Variants in CDK5RAP2 observed in about 807,000 individuals in gnomAD.
CDK5RAP2 encodes CDK5 regulatory subunit-associated protein 2.
Under a neutral mutation model 232.9 loss-of-function variants are expected in CDK5RAP2, and 147 were observed. The ratio of observed to expected loss-of-function variants is 0.63; its 90% CI spans 0.55 to 0.72. CDK5RAP2 has a LOEUF of 0.72. Among genes scored for constraint, CDK5RAP2 ranks in the 30% least tolerant of loss-of-function variants. CDK5RAP2 has a pLI of 0.00. For synonymous variants in CDK5RAP2, 833 were observed against 833.7 expected (o/e 1.00, Z 0.01); for missense variants, 2,195 against 2,231.5 (o/e 0.98, Z 0.33).
chr9:120,399,535 A>G lies in CDK5RAP2; in HGVS notation c.5451+1207T>C, dbSNP rs571119487. 3.9e-5 allele frequency among the ~76,000 whole-genome samples: 6 copies of G among 152,302 alleles called. No individual in the cohort carries two copies. The South Asian group carries it at 6.2e-4, about 16-fold the overall frequency. On this transcript the variant is annotated intron_variant, in intron 35 of 37. Coordinates refer to ENST00000349780, the MANE Select transcript of CDK5RAP2 (RefSeq NM_018249.6). ...TGGAGGAATCAGGGAGCCCTCTCTG[A>G]CTCTGGGGTAATATTTAAGCTAAGA...
At chr9:120,489,850 C>T (rs2038805838) in intron 13 of CDK5RAP2, among the ~76,000 whole-genome samples, 1 of 151,294 alleles carries the variant, frequency 6.6e-6, no homozygotes, top group African/African-American at 2.4e-5. Context: ...TCTTGTTGCC[C>T]AAGCTGGAGT....
At chr9:120,534,275 T>C (rs959477413) in intron 7 of CDK5RAP2, among the ~76,000 whole-genome samples, 1 of 152,156 alleles carries the variant, frequency 6.6e-6, no homozygotes, top group African/African-American at 2.4e-5. Context: ...TCCTGCCATG[T>C]TCCTTCTTGC....
intron 36 of CDK5RAP2, 110 bp downstream of exon 36, chr9:120,394,402 G>A: frequency 1.3e-6 from 2 of 1,529,406 alleles, no homozygotes; most frequent in South Asian, 1.1e-5. Flanking sequence ...ACAGATAGGA[G>A]GCATGATTAC....
At chr9:120,535,190 A>G (rs2041330835) in intron 7 of CDK5RAP2, among the ~76,000 whole-genome samples, 1 of 152,264 alleles carries the variant, frequency 6.6e-6, no homozygotes, top group Admixed American at 6.5e-5. Flanking sequence ...ATTGCAGAGC[A>G]CCAAATAAAT....
intron 3 of CDK5RAP2, among the ~76,000 whole-genome samples, chr9:120,555,608 C>T (rs190734027): frequency 6.6e-6 from 1 of 152,138 alleles, no homozygotes; most frequent in Admixed American, 6.5e-5. Context: ...TCTGCTGATG[C>T]GAATGCAAAA....
chr9:120,443,498 C>T, intron 23 of CDK5RAP2, 122 bp downstream of exon 23: 1 of 1,157,378 alleles, frequency 8.6e-7, no homozygotes, highest in South Asian at 1.2e-5. Flanking sequence ...ATGTGTTAGA[C>T]TGGAATGATA....
Position 120,528,816 on chromosome 9 carries a change from T to TG in CDK5RAP2, c.826-20dup. ...GTGCAGCCTAAGAAAAGGCATTAAT[T>TG]GGTGTGAAGAAGGGACGTGCAATCC... On this transcript the variant is annotated intron_variant, in intron 8 of 37. Coordinates refer to ENST00000349780, the MANE Select transcript of CDK5RAP2 (RefSeq NM_018249.6). 14 of 1,598,850 alleles carry TG rather than the reference T, an allele frequency of 8.8e-6. No individual in the cohort carries two copies. The highest frequency in any genetic ancestry group is 1.2e-5 in the Non-Finnish European group (14 of 1,166,030).
rs756018329 is a variant in CDK5RAP2 at position 120,437,465 on chromosome 9, T to C, written c.3785A>G (p.Asp1262Gly). 3 of 1,614,146 alleles carry C rather than the reference T, an allele frequency of 1.9e-6. No homozygotes were observed. The highest frequency in any genetic ancestry group is 2.5e-6 in the Non-Finnish European group (3 of 1,180,008). The change falls in exon 25 of 38, where the codon GAT (aspartate) becomes GGT (glycine). Residue 1262 changes from aspartate to glycine, a missense_variant. By Grantham distance (94) the Asp-to-Gly change is moderately conservative (BLOSUM62 -1). Transcript: ENST00000349780. ...GGAGATGACACAGATGCCATGGCCATCCTTAATCTGCTGCCGTTGAAGGGA... is the reference window on the plus strand; with the variant it reads ...GGAGATGACACAGATGCCATGGCCACCCTTAATCTGCTGCCGTTGAAGGGA... The part of the protein sequence containing the change: ...ELSLQRQQIK[D>G]GHGICVISRQ...
At chr9:120,430,498 G>C (rs879938579) in intron 25 of CDK5RAP2, among the ~76,000 whole-genome samples, 4,780 of 151,114 alleles carry the variant, frequency 0.032, 254 homozygotes, top group African/African-American at 0.11. Flanking sequence ...GCAGCCAAAA[G>C]ACACATGAAA....
chr9:120,503,872 G>T (rs1409068556), intron 12 of CDK5RAP2, among the ~76,000 whole-genome samples: 1 of 151,998 alleles, frequency 6.6e-6, no homozygotes, highest in Non-Finnish European at 1.5e-5. Flanking sequence ...CCACAACAAG[G>T]TTCAGCTCTT....
intron 3 of CDK5RAP2, among the ~76,000 whole-genome samples, chr9:120,558,371 C>CAAAAAAAAAAAAAAA (rs60669308): frequency 2.5e-5 from 1 of 40,080 alleles, no homozygotes; most frequent in Non-Finnish European, 4.1e-5. Context: ...GACTCCGTCT[C>CAAAAAAAAAAAAAAA]AAAAAAAAAA....
At chr9:120,428,283 C>CA (rs1427095145) in intron 25 of CDK5RAP2, among the ~76,000 whole-genome samples, 1 of 151,346 alleles carries the variant, frequency 6.6e-6, no homozygotes, top group Non-Finnish European at 1.5e-5. Context: ...AAATAGAGAC[C>CA]AAAAAAACCC....
intron 3 of CDK5RAP2, among the ~76,000 whole-genome samples, chr9:120,553,258 C>A (rs1343044596): frequency 6.6e-6 from 1 of 152,148 alleles, no homozygotes; most frequent in Non-Finnish European, 1.5e-5. Flanking sequence ...AGCCTCACTG[C>A]CTATAGAGAA....
At chr9:120,577,116 C>T (rs1231009042) in intron 1 of CDK5RAP2, among the ~76,000 whole-genome samples, 1 of 152,034 alleles carries the variant, frequency 6.6e-6, no homozygotes, top group Non-Finnish European at 1.5e-5. Context: ...AATCCCAGCA[C>T]TCTGGGAGGC....
intron 3 of CDK5RAP2, among the ~76,000 whole-genome samples, chr9:120,553,350 C>T (rs1281070767): frequency 6.6e-6 from 1 of 152,190 alleles, no homozygotes; most frequent in Non-Finnish European, 1.5e-5. Flanking sequence ...AGATATTAGC[C>T]TACACAGTAA....
intron 22 of CDK5RAP2, among the ~76,000 whole-genome samples, chr9:120,444,967 T>A (rs2036100952): frequency 6.6e-6 from 1 of 152,224 alleles, no homozygotes; most frequent in African/African-American, 2.4e-5. Context: ...GTTTTATTAA[T>A]ACCACAGTAT....
At chr9:120,568,716 T>C (rs1161813441) in intron 2 of CDK5RAP2, among the ~76,000 whole-genome samples, 2 of 152,184 alleles carry the variant, frequency 1.3e-5, no homozygotes, top group African/African-American at 4.8e-5. Flanking sequence ...TGTCATCTTC[T>C]CACGTCAGTA....
intron 3 of CDK5RAP2, among the ~76,000 whole-genome samples, chr9:120,552,614 G>A (rs1356423854): frequency 3.4e-5 from 5 of 147,290 alleles, no homozygotes; most frequent in African/African-American, 1.0e-4. Flanking sequence ...AACACCACAC[G>A]TTCTCACTCA....
intron 26 of CDK5RAP2, among the ~76,000 whole-genome samples, chr9:120,421,036 T>C (rs1248899914): frequency 2.6e-5 from 4 of 152,212 alleles, no homozygotes; most frequent in Admixed American, 6.5e-5. Context: ...TCTTCCTAAA[T>C]GGCAAATGTG....
Sources: gnomAD v4.1 joint callset for allele counts (sites outside exome capture counted in the v4.1 genomes callset) on GRCh38, gnomAD v4.1.1 for gene constraint, MANE v1.5 for transcripts, NCBI Gene and HGNC (gene_info 2026-07-23, HGNC 2026-07-21) for gene names.